The following ANKLE2 variants were observed in gnomAD, a reference collection of about 807,000 sequenced individuals.
ANKLE2 encodes the protein ankyrin repeat and LEM domain-containing protein 2.
ANKLE2 carries 55 observed loss-of-function variants against 84.2 expected under a neutral mutation model. The ratio of observed to expected loss-of-function variants is 0.65; its 90% CI spans 0.53 to 0.82. The LOEUF (loss-of-function observed/expected upper bound fraction) is 0.82. ANKLE2 is among the 40% of genes least tolerant of loss of function. ANKLE2 has a pLI of 0.00. For synonymous variants in ANKLE2, 551 were observed against 486.1 expected (o/e 1.13, Z -1.76); for missense variants, 1,238 against 1,201.9 (o/e 1.03, Z -0.44).
chr12:132,729,708 C>T lies in ANKLE2; in HGVS notation c.2454G>A (p.Arg818=), dbSNP rs545538645. Residue 818 remains arginine, a synonymous_variant, in exon 11 of 13, where the codon AGG becomes AGA. Coordinates refer to ENST00000357997, the MANE Select transcript of ANKLE2 (RefSeq NM_015114.3). ...PRHEDQLEVT[R]EPARRLFLFG... is the part of the protein sequence containing the mutation. ...AAAGGAAGAGCCGCCTGGCCGGTTCCCTGGTGACCTCGAGCTGATCCTCGT... is the reference window on the plus strand; with the variant it reads ...AAAGGAAGAGCCGCCTGGCCGGTTCTCTGGTGACCTCGAGCTGATCCTCGT... The T allele has an allele frequency of 6.2e-7, 1 of 1,608,156 alleles. No individual in the cohort carries two copies. Among genetic ancestry groups the T allele is most frequent in the African/African-American group, 1.4e-5 (1 of 73,654 alleles).
chr12:132,739,031 A>C (rs2044069034), intron 7 of ANKLE2: 1 of 152,218 alleles, frequency 6.6e-6, no homozygotes, highest in Non-Finnish European at 1.5e-5. Context: ...CATGGCTCTC[A>C]CTTATGAGTG....
intron 9 of ANKLE2, chr12:132,734,858 G>T (rs1187781055): frequency 7.1e-6 from 3 of 424,914 alleles, no homozygotes; most frequent in Non-Finnish European, 8.4e-6. Context: ...AGCAACCCAG[G>T]TCACACAGTT....
At chr12:132,759,045 CCGGGG>C (rs1245880763) in intron 1 of ANKLE2, 16 of 137,800 alleles carry the variant, frequency 1.2e-4, no homozygotes, top group African/African-American at 4.3e-4. Flanking sequence ...GAGTGGCACC[CCGGGG>C]CACCCACGTG....
chr12:132,747,397 T>C (rs1167865532), intron 5 of ANKLE2, among the ~76,000 whole-genome samples: 8 of 151,550 alleles, frequency 5.3e-5, no homozygotes, highest in Admixed American at 1.3e-4. Flanking sequence ...AGCCTCTCTC[T>C]CTCTCCACAG....
chr12:132,739,258 A>G (rs934454171), intron 7 of ANKLE2, among the ~76,000 whole-genome samples: 11 of 152,192 alleles, frequency 7.2e-5, no homozygotes, highest in Non-Finnish European at 1.5e-5. Context: ...ACCTAAAATG[A>G]AAGTTAAGAA....
rs2044336677 is a variant in ANKLE2, at chr12:132,750,724, A to C, written c.766T>G (p.Tyr256Asp). 1 of 1,614,282 alleles carries C rather than the reference A, an allele frequency of 6.2e-7. No individual in the cohort carries two copies. The highest frequency in any genetic ancestry group is 8.5e-7 in the Non-Finnish European group (1 of 1,180,054). The stretch of plus-strand genomic sequence containing the variant: ...GACGTTTTGCTTGGAGAAGGGAAAT[A>C]ATCACAAATTCCTCTAGCAAATTTC... The part of the protein sequence containing the change: ...AEKFARGICD[Y>D]FPSPSKTSLP... Residue 256 changes from tyrosine to aspartate, a missense_variant, in exon 3 of 13, where the codon TAT becomes GAT. This residue lies in a region of ANKLE2 where 422 missense variants were observed against 394.5 expected (regional missense o/e 1.07). Coordinates refer to ENST00000357997, the MANE Select transcript of ANKLE2 (RefSeq NM_015114.3).
intron 5 of ANKLE2, 152 bp downstream of exon 5, chr12:132,747,680 T>G: frequency 5.2e-6 from 5 of 957,122 alleles, no homozygotes; most frequent in East Asian, 2.9e-5. Flanking sequence ...TCCAGTGGGA[T>G]GTGGTAAGAA....
intron 1 of ANKLE2, 155 bp downstream of exon 1, chr12:132,761,463 C>T (rs2044623828): frequency 4.7e-6 from 3 of 632,210 alleles, no homozygotes; most frequent in African/African-American, 3.8e-5. Context: ...CTTTCCGCGG[C>T]CGGAATGGCC....
chr12:132,741,243 G>A (rs1294438189), intron 7 of ANKLE2, among the ~76,000 whole-genome samples, 176 bp downstream of exon 7: 2 of 152,236 alleles, frequency 1.3e-5, no homozygotes, highest in East Asian at 3.8e-4. Context: ...GAAAAAAGGT[G>A]GCAAATGAGC....
chr12:132,730,493 C>A, intron 10 of ANKLE2: 1 of 531,362 alleles, frequency 1.9e-6, no homozygotes, highest in Non-Finnish European at 3.3e-6. Context: ...CCACACGACT[C>A]CCTGGAAAAG....
rs571411464 is a variant in ANKLE2 at position 132,741,580 on chromosome 12, G to A, written c.1354-95C>T. ...GAAAAATAGTTTTAAACTCAGTAAA[G>A]TAGAATAGTATCTTAATGCTAAAGA... On this transcript the variant is annotated intron_variant, in intron 6 of 12. Coordinates refer to ENST00000357997, the MANE Select transcript of ANKLE2 (RefSeq NM_015114.3). The A allele has an allele frequency of 4.3e-6, 5 of 1,150,932 alleles. No individual in the cohort carries two copies. In the African/African-American group the frequency reaches 7.7e-5, roughly 18 times the overall value. 71.3% of individuals were successfully genotyped at this position (1,150,932 alleles called of 1,614,324 possible).
Position 132,761,715 on chromosome 12 carries a change from C to T in ANKLE2, c.84G>A (p.Val28=). 1.5e-6 allele frequency: 2 copies of T among 1,348,048 alleles called. No individual in the cohort carries two copies. The highest frequency in any genetic ancestry group is 1.5e-5 in the African/African-American group (1 of 66,206). 83.5% of individuals were successfully genotyped at this position (1,348,048 alleles called of 1,614,324 possible). A position where few individuals can be genotyped will look rare whatever the true frequency, so the allele number is the denominator to read the frequency against. ...GGCCCAGCCGCCGCACCAGCCACCG[C>T]ACAGCGATCAGCAGCACCGAGGCGC... ...LLGASVLLIA[V]RWLVRRLGPR... is the part of the protein sequence containing the mutation. The change falls in exon 1 of 13, where the codon GTG becomes GTA. Residue 28 remains valine, a synonymous_variant. Transcript: ENST00000357997.
rs748625524 is a variant in ANKLE2 at position 132,743,505 on chromosome 12, A to ATTT, written c.1231-232_1231-230dup. 1.5e-5 allele frequency among the ~76,000 whole-genome samples: 2 copies of ATTT among 132,842 alleles called. No homozygotes were observed. Among genetic ancestry groups the ATTT allele is most frequent in the African/African-American group, 5.5e-5 (2 of 36,188 alleles). The allele number at this position is 132,842 out of a possible 152,430, so 87.1% of individuals were successfully genotyped here. The stretch of plus-strand genomic sequence containing the variant: ...CAGGCACCCGCCACCACACCCAGCT[A>ATTT]TTTTTTTTTTTTTTTTAATATTTAG... On this transcript the variant is annotated intron_variant, in intron 5 of 12. Transcript: ENST00000357997. The surrounding 1 kb of genome is among the most constrained non-coding windows in gnomAD (Gnocchi z 4.1).
chr12:132,755,103 C>A lies in ANKLE2; in HGVS notation c.212G>T (p.Arg71Leu), dbSNP rs200911469. 2 of 1,609,594 alleles carry A rather than the reference C, an allele frequency of 1.2e-6. No individual in the cohort carries two copies. Among genetic ancestry groups the A allele is most frequent in the South Asian group, 1.1e-5 (1 of 90,956 alleles). Reference protein sequence around the residue: ...GEMTMDALLARLKLLNPDDLR... With the variant: ...GEMTMDALLALLKLLNPDDLR... Reference sequence around the variant, plus strand: ...GTCATCTGGATTCAGAAGTTTCAATCGAGCCAACAGAGCATCCATTGTCAT... The same window carrying A: ...GTCATCTGGATTCAGAAGTTTCAATAGAGCCAACAGAGCATCCATTGTCAT... The change falls in exon 2 of 13, where the codon CGA (arginine) becomes CTA (leucine). Residue 71 changes from arginine (R) to leucine (L), a missense_variant. Physicochemically the swap from Arg to Leu is moderately radical, Grantham distance 102. This residue lies in a region of ANKLE2 where 422 missense variants were observed against 394.5 expected (regional missense o/e 1.07). Transcript: ENST00000357997.
At chr12:132,732,985 G>T (rs28396877) in intron 10 of ANKLE2, among the ~76,000 whole-genome samples, 75 of 92,222 alleles carry the variant, frequency 8.1e-4, no homozygotes, top group East Asian at 4.0e-3. Flanking sequence ...TGTGTGAAGC[G>T]CTCTGCGTCC....
intron 1 of ANKLE2, chr12:132,758,614 C>T (rs1363862327): frequency 1.3e-5 from 2 of 152,264 alleles, no homozygotes; most frequent in South Asian, 4.1e-4. Context: ...ACCTCCACCT[C>T]CTGGGTTCAA....
intron 1 of ANKLE2, chr12:132,759,467 C>A (rs1438669554): frequency 2.3e-5 from 3 of 130,108 alleles, no homozygotes; most frequent in African/African-American, 1.4e-4. Context: ...CTTACCGTCC[C>A]CACCTGCAAT....
chr12:132,732,142 C>G (rs1167278598), intron 10 of ANKLE2: 1 of 141,580 alleles, frequency 7.1e-6, no homozygotes, highest in Non-Finnish European at 1.5e-5. Context: ...CTGATATACA[C>G]CGTGTGAAGC....
chr12:132,734,257 C>G, intron 10 of ANKLE2, 128 bp downstream of exon 10: 1 of 1,042,390 alleles, frequency 9.6e-7, no homozygotes, highest in Non-Finnish European at 1.4e-6. Flanking sequence ...AAAATACTAA[C>G]CTAAGGGAAA....
Sources: allele counts gnomAD v4.1 joint callset (sites outside exome capture counted in the v4.1 genomes callset), GRCh38; gene constraint gnomAD v4.1.1; regional missense constraint gnomAD v4.1.1; non-coding constraint Gnocchi (gnomAD v3.1); transcripts MANE v1.5; gene names NCBI Gene and HGNC (gene_info 2026-07-23, HGNC 2026-07-21).